The following TTC27 variants were observed in gnomAD, a reference collection of about 807,000 sequenced individuals.
TTC27 encodes tetratricopeptide repeat domain 27.
TTC27 carries 79 observed loss-of-function variants against 115.9 expected under a neutral mutation model. The observed-to-expected ratio is 0.68, with a 90% confidence interval of 0.57 to 0.82. The LOEUF is 0.82. Ranked by LOEUF, TTC27 falls within the 40% of genes least tolerant of loss-of-function variation. The probability of loss-of-function intolerance (pLI) is 0.00; values close to 1 mark genes in which losing one functional copy is unlikely to be tolerated. For synonymous variants in TTC27, 401 were observed against 356.0 expected (o/e 1.13, Z -1.42); for missense variants, 1,054 against 993.1 (o/e 1.06, Z -0.82).
chr2:32,666,461 T>G (rs1665780229), intron 6 of TTC27, among the ~76,000 whole-genome samples, 174 bp from the exon 7 acceptor site: 1 of 152,142 alleles, frequency 6.6e-6, no homozygotes, highest in African/African-American at 2.4e-5. Flanking sequence ...CAGAGCTTGT[T>G]GGCTTTCTAA....
intron 16 of TTC27, among the ~76,000 whole-genome samples, chr2:32,796,650 C>T (rs1415956251): frequency 2.6e-5 from 4 of 152,058 alleles, no homozygotes; most frequent in African/African-American, 9.7e-5. Flanking sequence ...AAAAACCTAT[C>T]CTAAAATTCA....
chr2:32,671,792 T>A (rs1221272303), intron 7 of TTC27, among the ~76,000 whole-genome samples: 1 of 152,060 alleles, frequency 6.6e-6, no homozygotes, highest in African/African-American at 2.4e-5. Context: ...AGACACAGAG[T>A]TGGGAAGTTG....
intron 14 of TTC27, chr2:32,780,062 A>G (rs1276705510): frequency 4.3e-6 from 2 of 465,212 alleles, no homozygotes; most frequent in Non-Finnish European, 9.0e-6. Context: ...AGGTCTGTGC[A>G]TATTCCACTG....
chr2:32,760,361 C>T (rs1669393289), intron 13 of TTC27, among the ~76,000 whole-genome samples: 3 of 152,080 alleles, frequency 2.0e-5, no homozygotes, highest in Admixed American at 2.0e-4. Flanking sequence ...TGATTTTGTC[C>T]CCCAGAGGAC....
chr2:32,664,204 C>A, intron 5 of TTC27, 99 bp from the exon 6 acceptor site: 1 of 1,028,406 alleles, frequency 9.7e-7, no homozygotes, highest in Non-Finnish European at 1.4e-6. Context: ...ACAACAGAGA[C>A]TATGTACTAT....
At chr2:32,650,868 G>GT (rs1422907296) in intron 5 of TTC27, among the ~76,000 whole-genome samples, 1 of 152,150 alleles carries the variant, frequency 6.6e-6, no homozygotes, top group African/African-American at 2.4e-5. Context: ...AAACATCCAT[G>GT]TAAGTGCCTC....
chr2:32,644,570 G>C (rs1490920945), intron 4 of TTC27, among the ~76,000 whole-genome samples: 7 of 151,870 alleles, frequency 4.6e-5, no homozygotes, highest in Non-Finnish European at 1.0e-4. Flanking sequence ...ACCTCATTTT[G>C]TGCTGAAATT....
chr2:32,682,768 A>G (rs1666477243), intron 9 of TTC27, among the ~76,000 whole-genome samples: 1 of 148,036 alleles, frequency 6.8e-6, no homozygotes, highest in African/African-American at 2.5e-5. Flanking sequence ...TCCTGGGTTC[A>G]AGCGATTCTC....
At chr2:32,685,380 C>T (rs986513417) in intron 9 of TTC27, among the ~76,000 whole-genome samples, 3 of 152,028 alleles carry the variant, frequency 2.0e-5, no homozygotes, top group South Asian at 2.1e-4. Flanking sequence ...GGGGACTGAC[C>T]GCTTTTTTTT....
At chr2:32,663,666 A>ATGTG (rs1665642986) in intron 5 of TTC27, among the ~76,000 whole-genome samples, 1 of 151,488 alleles carries the variant, frequency 6.6e-6, no homozygotes, top group Non-Finnish European at 1.5e-5. Flanking sequence ...GTATGTATGT[A>ATGTG]TGTATGTATG....
At chr2:32,688,326 A>G (rs1316121489) in intron 9 of TTC27, among the ~76,000 whole-genome samples, 1 of 152,132 alleles carries the variant, frequency 6.6e-6, no homozygotes, top group Non-Finnish European at 1.5e-5. Flanking sequence ...TTTTCCTCCT[A>G]TGTTTTCTTC....
At chr2:32,674,633 C>G (rs903489828) in intron 8 of TTC27, among the ~76,000 whole-genome samples, 1 of 151,672 alleles carries the variant, frequency 6.6e-6, no homozygotes, top group Non-Finnish European at 1.5e-5. Context: ...AGCAATTTTC[C>G]TGTAACATTA....
At chr2:32,666,857 G>C in intron 7 of TTC27, 89 bp downstream of exon 7, 2 of 1,419,712 alleles carry the variant, frequency 1.4e-6, no homozygotes, top group Non-Finnish European at 1.9e-6. Context: ...TGAATGGGTT[G>C]GGGACAGACT....
At chr2:32,645,473 A>G (rs1196625521) in intron 4 of TTC27, among the ~76,000 whole-genome samples, 2 of 152,184 alleles carry the variant, frequency 1.3e-5, no homozygotes, top group Non-Finnish European at 2.9e-5. Context: ...TAAAATCTAG[A>G]AATTATCTAA....
At chr2:32,728,753 G>T (rs565338971) in intron 10 of TTC27, among the ~76,000 whole-genome samples, 1 of 152,274 alleles carries the variant, frequency 6.6e-6, no homozygotes, top group South Asian at 2.1e-4. Flanking sequence ...TATGAGGAAA[G>T]ACTGGGTTCA....
chr2:32,634,981 T>C (rs1293670734), intron 3 of TTC27, among the ~76,000 whole-genome samples: 1 of 152,144 alleles, frequency 6.6e-6, no homozygotes, highest in African/African-American at 2.4e-5. Context: ...GATACTGTAC[T>C]TAAGAATGGC....
At chr2:32,728,253 G>T (rs528868063) in intron 10 of TTC27, among the ~76,000 whole-genome samples, 2 of 152,200 alleles carry the variant, frequency 1.3e-5, no homozygotes, top group East Asian at 3.9e-4. Context: ...CTGTTAGCCA[G>T]GATGGTCTCG....
rs183465071 is a variant in TTC27, at chr2:32,670,462, T to G, written c.940-1810T>G. Reference sequence around the variant, plus strand: ...AAATGGAATCATACAGTGTATAATCTTTTGGTCTGGCTTAATGGTTTCAAG... The same window carrying G: ...AAATGGAATCATACAGTGTATAATCGTTTGGTCTGGCTTAATGGTTTCAAG... On this transcript the variant is annotated intron_variant, in intron 7 of 19. Transcript: ENST00000317907. Among the ~76,000 whole-genome samples, 31 of 152,304 alleles carry G rather than the reference T, an allele frequency of 2.0e-4. No individual in the cohort carries two copies. In the East Asian group the frequency reaches 5.8e-3, roughly 28 times the overall value.
At position 32,682,668 on chromosome 2, in the gene TTC27, C is replaced by CTTT. The variant is rs3077159; in HGVS notation, c.1119+3761_1119+3763dup. 1.5e-3 allele frequency among the ~76,000 whole-genome samples: 191 copies of CTTT among 127,494 alleles called. 1 individual carries two copies. The highest frequency in any genetic ancestry group is 2.0e-3 in the African/African-American group (69 of 34,494). 83.6% of individuals were successfully genotyped at this position (127,494 alleles called of 152,430 possible). On this transcript the variant is annotated intron_variant, in intron 9 of 19. Coordinates refer to ENST00000317907, the MANE Select transcript of TTC27 (RefSeq NM_017735.5). The stretch of plus-strand genomic sequence containing the variant: ...ATAGAAGAGCAAATATAATAGAAGT[C>CTTT]TTTTTTTTTTTTTTTTTGAAATGGA...
Sources: allele counts gnomAD v4.1 joint callset (sites outside exome capture counted in the v4.1 genomes callset), GRCh38; gene constraint gnomAD v4.1.1; transcripts MANE v1.5; gene names NCBI Gene and HGNC (gene_info 2026-07-23, HGNC 2026-07-21).